Variants in MDGA2 observed in about 807,000 individuals in gnomAD.
The protein encoded by MDGA2 is MAM domain containing glycosylphosphatidylinositol anchor 2.
In MDGA2, 40 loss-of-function variants were observed where a neutral mutation model predicts 117.8. The ratio of observed to expected loss-of-function variants is 0.34; its 90% confidence interval spans 0.26 to 0.44. The LOEUF is 0.44. Among genes scored for constraint, MDGA2 ranks in the 20% least tolerant of loss-of-function variants. MDGA2 has a pLI of 1.00. For missense variants in MDGA2, 1,123 were observed against 1,250.6 expected, an observed-to-expected ratio of 0.90 and a Z score of 1.54; for synonymous variants, 452 against 439.0, an observed-to-expected ratio of 1.03 and a Z score of -0.37.
intron 8 of MDGA2, among the ~76,000 whole-genome samples, chr14:46,996,157 T>C (rs1418546181): frequency 1.3e-5 from 2 of 152,188 alleles, no homozygotes; most frequent in Non-Finnish European, 2.9e-5. Flanking sequence ...AAGCTTTTTA[T>C]TGTCTAAGTT....
intron 1 of MDGA2, among the ~76,000 whole-genome samples, chr14:47,445,690 G>T (rs1167035170): frequency 6.6e-6 from 1 of 152,068 alleles, no homozygotes; most frequent in Non-Finnish European, 1.5e-5. Flanking sequence ...AATCCAGAGA[G>T]GGACAGCAAT....
At chr14:47,236,287 C>T in intron 2 of MDGA2, among the ~76,000 whole-genome samples, 2 of 87,952 alleles carry the variant, frequency 2.3e-5, no homozygotes, top group East Asian at 3.7e-4. Flanking sequence ...CGAGACTCCG[C>T]CTCAAAAAAA....
rs187285210 is a variant in MDGA2 at position 46,876,713 on chromosome 14, A to C, written c.2437+776T>G. On this transcript the variant is annotated intron_variant, in intron 12 of 16. Coordinates refer to ENST00000399232, the MANE Select transcript of MDGA2 (RefSeq NM_001113498.3). ...ATGATGAAAAAACAAAACAAAAAAA[A>C]ACTCAGGAACAAGAATCCTGATACC... 1.6e-3 allele frequency among the ~76,000 whole-genome samples: 245 copies of C among 151,544 alleles called. 1 individual carries two copies. The highest frequency in any genetic ancestry group is 5.7e-3 in the African/African-American group (236 of 41,510).
At chr14:47,569,025 T>A (rs909556187) in intron 1 of MDGA2, among the ~76,000 whole-genome samples, 23 of 152,114 alleles carry the variant, frequency 1.5e-4, no homozygotes, top group Non-Finnish European at 2.6e-4. Context: ...TTTATTGTCA[T>A]TTTTGATATA....
chr14:47,398,597 G>A (rs1269749065), intron 1 of MDGA2, among the ~76,000 whole-genome samples: 1 of 152,098 alleles, frequency 6.6e-6, no homozygotes, highest in Non-Finnish European at 1.5e-5. Flanking sequence ...AGAAAATCAA[G>A]GATGAGAGAA....
chr14:47,508,627 T>C lies in MDGA2; in HGVS notation c.280+165890A>G, dbSNP rs549885221. The stretch of plus-strand genomic sequence containing the variant: ...TAGAACAATATAGGAGGCAATAAGA[T>C]AAACACAGACATGAAAATAAGTCTT... On this transcript the variant is annotated intron_variant, in intron 1 of 16. Coordinates refer to ENST00000399232, the MANE Select transcript of MDGA2 (RefSeq NM_001113498.3). Among the ~76,000 whole-genome samples the C allele has an allele frequency of 2.1e-4, 32 of 152,242 alleles. No individual in the cohort carries two copies. In the South Asian group the frequency reaches 6.2e-3, roughly 30 times the overall value.
intron 8 of MDGA2, among the ~76,000 whole-genome samples, chr14:46,990,866 C>CCA (rs201132208): frequency 7.5e-4 from 105 of 140,892 alleles, no homozygotes; most frequent in Middle Eastern, 7.2e-3. Flanking sequence ...ACACACACAC[C>CCA]CACACACACA....
At position 47,097,209 on chromosome 14, in the gene MDGA2, A is replaced by T. The variant is rs878938495; in HGVS notation, c.926-86T>A. 2.7e-5 allele frequency: 39 copies of T among 1,429,988 alleles called. No individual in the cohort carries two copies. In the South Asian group the frequency reaches 4.9e-4, roughly 18 times the overall value. The allele number at this position is 1,429,988 out of a possible 1,614,324, so 88.6% of individuals were successfully genotyped here. A position where few individuals can be genotyped will look rare whatever the true frequency, so the allele number is the denominator to read the frequency against. ...AGCATGCATTATATTGGTTCATTCA[A>T]AAAATTAAAATGAAATATAGTCCTC... On this transcript the variant is annotated intron_variant, in intron 5 of 16. Coordinates refer to ENST00000399232, the MANE Select transcript of MDGA2 (RefSeq NM_001113498.3).
intron 1 of MDGA2, among the ~76,000 whole-genome samples, chr14:47,429,275 A>AAGAT (rs1265906469): frequency 7.6e-6 from 1 of 131,610 alleles, no homozygotes; most frequent in Non-Finnish European, 1.7e-5. Flanking sequence ...AACAAATATG[A>AAGAT]AGATATATAT....
At position 46,841,938 on chromosome 14, in the gene MDGA2, C is replaced by T. The variant is rs1355826204; in HGVS notation, c.3071G>A (p.Arg1024Gln). Residue 1024 changes from arginine to glutamine, a missense_variant, in exon 17 of 17, where the codon CGA (arginine) becomes CAA (glutamine). Arg to Gln is a conservative substitution (Grantham distance 43). Transcript: ENST00000399232. ...IIVLISILSPRR is the reference protein window; with the variant it reads ...IIVLISILSPQR ...GCCTCTGCCAGGATAAGGTCACCTT[C>T]GAGGACTTAAGATAGAGATGAGGAC... 7.5e-6 allele frequency: 12 copies of T among 1,607,080 alleles called. No homozygotes were observed. The highest frequency in any genetic ancestry group is 2.7e-5 in the African/African-American group (2 of 74,582).
In MDGA2 at chr14:47,454,360, T is replaced by C. The variant is rs149151630; in HGVS notation, c.281-152810A>G. Among the ~76,000 whole-genome samples, 229 of 152,360 alleles carry C rather than the reference T, an allele frequency of 1.5e-3. 1 individual carries two copies. Among genetic ancestry groups the C allele is most frequent in the African/African-American group, 5.1e-3 (211 of 41,590 alleles). On this transcript the variant is annotated intron_variant, in intron 1 of 16. Coordinates refer to ENST00000399232, the MANE Select transcript of MDGA2 (RefSeq NM_001113498.3). ...GAAAAAAAAGCAGTATTGTTTATCA[T>C]AAATAATGATGTTTTACATTCTGCC...
At chr14:47,507,964 C>A (rs531474141) in intron 1 of MDGA2, among the ~76,000 whole-genome samples, 1 of 152,168 alleles carries the variant, frequency 6.6e-6, no homozygotes, top group East Asian at 1.9e-4. Flanking sequence ...TCCCACTATG[C>A]CTCTCTTGAC....
At chr14:47,054,663 C>A (rs1236729528) in intron 7 of MDGA2, among the ~76,000 whole-genome samples, 1 of 151,806 alleles carries the variant, frequency 6.6e-6, no homozygotes, top group African/African-American at 2.4e-5. Flanking sequence ...AGATATAGAC[C>A]AATGGAACAG....
chr14:47,510,449 G>A (rs989570476), intron 1 of MDGA2, among the ~76,000 whole-genome samples: 5 of 152,138 alleles, frequency 3.3e-5, no homozygotes, highest in Admixed American at 2.6e-4. Context: ...GCCCTTTTAA[G>A]CAATTCTACA....
At position 47,511,672 on chromosome 14, in the gene MDGA2, C is replaced by A. The variant is rs914336144; in HGVS notation, c.280+162845G>T. On this transcript the variant is annotated intron_variant, in intron 1 of 16. Transcript: ENST00000399232. Reference sequence around the variant, plus strand: ...TCCTGAGTATAAAAATTGTTTCGTTCAAGTTATTATTTAAAATTTTTGTAT... The same window carrying A: ...TCCTGAGTATAAAAATTGTTTCGTTAAAGTTATTATTTAAAATTTTTGTAT... Among the ~76,000 whole-genome samples, 16 of 152,134 alleles carry A rather than the reference C, an allele frequency of 1.1e-4. No homozygotes were observed. The South Asian group carries it at 2.1e-3, about 20-fold the overall frequency.
intron 3 of MDGA2, among the ~76,000 whole-genome samples, chr14:47,152,245 T>A (rs909710656): frequency 3.3e-5 from 5 of 152,184 alleles, no homozygotes; most frequent in Non-Finnish European, 7.4e-5. Flanking sequence ...TCTGAACTTT[T>A]CCATGGTTTT....
chr14:47,113,722 A>C (rs1881170526), intron 5 of MDGA2, among the ~76,000 whole-genome samples: 1 of 152,150 alleles, frequency 6.6e-6, no homozygotes. Flanking sequence ...CATGTTAAAA[A>C]CTCTCAATAA....
At chr14:47,335,281 T>C (rs1341409750) in intron 1 of MDGA2, among the ~76,000 whole-genome samples, 2 of 93,318 alleles carry the variant, frequency 2.1e-5, no homozygotes, top group African/African-American at 4.1e-5. Flanking sequence ...AAAAAGTATA[T>C]GGTAAAAAAA....
At chr14:46,982,734 A>AAAT (rs1886726133) in intron 8 of MDGA2, among the ~76,000 whole-genome samples, 3 of 130,324 alleles carry the variant, frequency 2.3e-5, no homozygotes, top group Non-Finnish European at 5.1e-5. Context: ...AAAAAAAAAA[A>AAAT]AATCATGTCA....
Sources: gnomAD v4.1 joint callset for allele counts (sites outside exome capture counted in the v4.1 genomes callset) on GRCh38, gnomAD v4.1.1 for gene constraint, MANE v1.5 for transcripts, NCBI Gene and HGNC (gene_info 2026-07-23, HGNC 2026-07-21) for gene names.